The following ABLIM1 variants were observed in gnomAD, a reference collection of about 807,000 sequenced individuals.
The protein encoded by ABLIM1 is actin binding LIM protein 1, also known as actin-binding LIM protein 1.
In ABLIM1, 40 loss-of-function variants were observed where a neutral mutation model predicts 107.0. The ratio of observed to expected loss-of-function variants is 0.37; its 90% CI spans 0.29 to 0.49. ABLIM1 has a LOEUF of 0.49. Ranked by LOEUF, ABLIM1 falls within the 20% of genes least tolerant of loss-of-function variation. The pLI is 0.97. For synonymous variants in ABLIM1, 357 were observed against 357.3 expected, an observed-to-expected ratio of 1.00 and a Z score of 0.01; for missense variants, 857 against 1,008.5, an observed-to-expected ratio of 0.85 and a Z score of 2.04.
At chr10:114,630,086 C>A (rs1295624888) in intron 1 of ABLIM1, among the ~76,000 whole-genome samples, 1 of 152,110 alleles carries the variant, frequency 6.6e-6, no homozygotes, top group African/African-American at 2.4e-5. Context: ...CCCAGGCAAT[C>A]TAAGCTTTGG....
chr10:114,526,982 A>C, intron 6 of ABLIM1: 2 of 985,012 alleles, frequency 2.0e-6, no homozygotes, highest in Non-Finnish European at 2.4e-6. Context: ...CCATGTTCCC[A>C]AAAAAGGAGG....
At chr10:114,688,337 G>GA (rs758214392), upstream of ABLIM1, among the ~76,000 whole-genome samples, 21 of 151,784 alleles carry the variant, frequency 1.4e-4, no homozygotes, top group Non-Finnish European at 2.6e-4. Flanking sequence ...CTTTTTATAT[G>GA]AAAAAACTCA....
intron 1 of ABLIM1, among the ~76,000 whole-genome samples, chr10:114,679,735 C>T (rs1459173589): frequency 1.3e-5 from 2 of 152,100 alleles, no homozygotes; most frequent in Admixed American, 6.6e-5. Context: ...TTGGGAAATG[C>T]CACATTCTGG....
At chr10:114,744,714 T>C (rs563068079) in intron 1 of ABLIM1, among the ~76,000 whole-genome samples, 1 of 152,200 alleles carries the variant, frequency 6.6e-6, no homozygotes, top group Non-Finnish European at 1.5e-5. Flanking sequence ...TTTATCATAT[T>C]GGATGGGAGC....
chr10:114,488,096 G>C, intron 7 of ABLIM1, 80 bp from the exon 8 acceptor site: 2 of 1,409,914 alleles, frequency 1.4e-6, no homozygotes, highest in Non-Finnish European at 1.0e-6. Flanking sequence ...TCTGAGAATG[G>C]CTCCTATCCC....
intron 1 of ABLIM1, among the ~76,000 whole-genome samples, chr10:114,638,836 G>A (rs1414733817): frequency 6.6e-6 from 1 of 152,150 alleles, no homozygotes; most frequent in East Asian, 1.9e-4. Flanking sequence ...GGACCTGTCA[G>A]GTGAATAGCA....
intron 1 of ABLIM1, among the ~76,000 whole-genome samples, chr10:114,738,917 G>C (rs1455581997): frequency 2.0e-5 from 3 of 152,134 alleles, no homozygotes; most frequent in Non-Finnish European, 4.4e-5. Flanking sequence ...TCAAATGATA[G>C]CACAATTAAG....
the ABLIM1 span, among the ~76,000 whole-genome samples, chr10:114,793,020 C>T: frequency 6.6e-6 from 1 of 152,098 alleles, no homozygotes; most frequent in African/African-American, 2.4e-5. Flanking sequence ...GGAATGGTGG[C>T]ACATGCCTGT....
intron 12 of ABLIM1, among the ~76,000 whole-genome samples, chr10:114,463,817 G>T (rs2064492176): frequency 6.6e-6 from 1 of 152,080 alleles, no homozygotes; most frequent in South Asian, 2.1e-4. Context: ...GACACTTTGG[G>T]GTGTTCTATA....
At chr10:114,512,851 G>A (rs57921260) in intron 6 of ABLIM1, among the ~76,000 whole-genome samples, 12,131 of 42,136 alleles carry the variant, frequency 0.29, 635 homozygotes, top group East Asian at 0.48. Context: ...AAGGAAGGAA[G>A]GAAAGAAGGA....
At chr10:114,704,298 C>CTATA (rs1368796727) in intron 1 of ABLIM1, among the ~76,000 whole-genome samples, 18 of 28,736 alleles carry the variant, frequency 6.3e-4, no homozygotes, top group Non-Finnish European at 1.1e-3. Flanking sequence ...CTCTCTCTCT[C>CTATA]TCTCTATATA....
Position 114,431,142 on chromosome 10 carries a change from A to C in ABLIM1, c.*5118T>G, listed in dbSNP as rs1478277807. On this transcript the variant is annotated 3_prime_UTR_variant, in exon 23 of 23. Transcript: ENST00000533213. ...ATAAAGCACACAACTTTATTCACGAAGTTGTGAGTATGACAGTGATGCAGA... is the reference window on the plus strand; with the variant it reads ...ATAAAGCACACAACTTTATTCACGACGTTGTGAGTATGACAGTGATGCAGA... 1.3e-5 allele frequency: 2 copies of C among 152,238 alleles called. No individual in the cohort carries two copies. Among genetic ancestry groups the C allele is most frequent in the African/African-American group, 4.8e-5 (2 of 41,442 alleles). 9.4% of individuals were successfully genotyped at this position (152,238 alleles called of 1,614,324 possible).
rs3981296 is a variant in ABLIM1, at chr10:114,760,404, TCACACACACACACACACACACACA to T, written c.-213+7633_-213+7656del. Among the ~76,000 whole-genome samples, 10 of 143,738 alleles carry T rather than the reference TCACACACACACACACACACACACA, an allele frequency of 7.0e-5. No individual in the cohort carries two copies. The South Asian group carries it at 1.6e-3, about 24-fold the overall frequency. The allele number at this position is 143,738 out of a possible 152,430, so 94.3% of individuals were successfully genotyped here. On this transcript the variant is annotated intron_variant, in intron 1 of 15. Coordinates refer to the ABLIM1 transcript ENST00000651092. The stretch of plus-strand genomic sequence containing the variant: ...TCTCAGCAAGAAGAAAATTTCTCCT[TCACACACACACACACACACACACA>T]CACACACACACACACACACACACAC...
intron 2 of ABLIM1, among the ~76,000 whole-genome samples, chr10:114,581,631 C>T (rs982428461): frequency 1.3e-5 from 2 of 152,096 alleles, no homozygotes; most frequent in African/African-American, 4.8e-5. Flanking sequence ...CAGTTTTGAG[C>T]AACATGAGCA....
chr10:114,439,107 G>T, intron 21 of ABLIM1, 69 bp downstream of exon 21: 1 of 1,564,674 alleles, frequency 6.4e-7, no homozygotes, highest in South Asian at 1.1e-5. Flanking sequence ...ATGATGAAAA[G>T]ATAGAACATC....
chr10:114,776,470 G>A, the ABLIM1 span, among the ~76,000 whole-genome samples: 9 of 152,028 alleles, frequency 5.9e-5, no homozygotes, highest in East Asian at 3.9e-4. Context: ...AAAATTAGCC[G>A]GGTGTGGTGG....
At chr10:114,754,287 A>C (rs538678503) in intron 1 of ABLIM1, among the ~76,000 whole-genome samples, 1 of 151,240 alleles carries the variant, frequency 6.6e-6, no homozygotes, top group African/African-American at 2.5e-5. Context: ...CCCTTTGCAT[A>C]AATCTTTCTA....
At chr10:114,576,054 TCA>T (rs2138989027) in intron 2 of ABLIM1, among the ~76,000 whole-genome samples, 1 of 152,362 alleles carries the variant, frequency 6.6e-6, no homozygotes, top group Admixed American at 6.5e-5. Context: ...CTGTATTTTT[TCA>T]CACTCTGGAA....
intron 1 of ABLIM1, among the ~76,000 whole-genome samples, chr10:114,604,190 A>T (rs1179674454): frequency 6.6e-6 from 1 of 152,216 alleles, no homozygotes; most frequent in Non-Finnish European, 1.5e-5. Context: ...ATAAGGAAAC[A>T]GAGCCGCAGA....
Sources: allele counts gnomAD v4.1 joint callset (sites outside exome capture counted in the v4.1 genomes callset), GRCh38; gene constraint gnomAD v4.1.1; transcripts MANE v1.5; gene names NCBI Gene and HGNC (gene_info 2026-07-23, HGNC 2026-07-21).